Variants in RUNDC3B observed in about 807,000 individuals in gnomAD.
RUNDC3B encodes RUN domain-containing protein 3B.
In RUNDC3B, 33 loss-of-function variants were observed where a neutral mutation model predicts 58.4. The observed-to-expected ratio is 0.56, with a 90% CI of 0.43 to 0.75. The LOEUF is 0.75. Among genes scored for constraint, RUNDC3B ranks in the 30% least tolerant of loss-of-function variants. The pLI is 0.00. For missense variants in RUNDC3B, 501 were observed against 535.7 expected (o/e 0.94, Z 0.64); for synonymous variants, 193 against 195.2 (o/e 0.99, Z 0.10).
intron 6 of RUNDC3B, among the ~76,000 whole-genome samples, chr7:87,748,684 A>G (rs1398948573): frequency 6.6e-6 from 1 of 152,180 alleles, no homozygotes; most frequent in East Asian, 1.9e-4. Context: ...GGATACTTAG[A>G]TGTCAAGAGT....
At chr7:87,735,130 CCTTT>C (rs1285533479) in intron 4 of RUNDC3B, among the ~76,000 whole-genome samples, 9 of 152,132 alleles carry the variant, frequency 5.9e-5, no homozygotes, top group African/African-American at 2.2e-4. Flanking sequence ...CTCTGTTCAC[CCTTT>C]CTTAGCAAAT....
intron 6 of RUNDC3B, among the ~76,000 whole-genome samples, chr7:87,746,192 AT>A (rs1227776821): frequency 1.3e-5 from 2 of 152,064 alleles, no homozygotes; most frequent in African/African-American, 4.8e-5. Context: ...ATTTTCTTAA[AT>A]TTATTGAGGT....
chr7:87,713,816 C>G lies in RUNDC3B; in HGVS notation c.458+3161C>G, dbSNP rs575664846. ...CAATTTAAAATACCATATGATATTT[C>G]AAACAAAATTGAAAATGTAACAAGA... is the stretch of plus-strand genomic sequence containing the variant. On this transcript the variant is annotated intron_variant, in intron 4 of 10. Coordinates refer to ENST00000394654, the MANE Select transcript of RUNDC3B (RefSeq NM_001134405.2). Among the ~76,000 whole-genome samples, 5 of 151,970 alleles carry G rather than the reference C, an allele frequency of 3.3e-5. No homozygotes were observed. The East Asian group carries it at 7.7e-4, about 23-fold the overall frequency.
At chr7:87,773,098 C>T (rs560137200) in intron 7 of RUNDC3B, among the ~76,000 whole-genome samples, 24 of 151,646 alleles carry the variant, frequency 1.6e-4, no homozygotes, top group Middle Eastern at 3.4e-3. Context: ...CCGAGGCGGG[C>T]GGATCACGAG....
chr7:87,804,100 C>A (rs758867843), intron 8 of RUNDC3B, among the ~76,000 whole-genome samples: 1 of 152,022 alleles, frequency 6.6e-6, no homozygotes, highest in Non-Finnish European at 1.5e-5. Flanking sequence ...CAAAGCAATA[C>A]AAGTTGTATC....
At chr7:87,765,925 A>G (rs889025391) in intron 6 of RUNDC3B, among the ~76,000 whole-genome samples, 4 of 151,894 alleles carry the variant, frequency 2.6e-5, no homozygotes, top group African/African-American at 4.8e-5. Context: ...GTATTACCCT[A>G]TATCATTTCT....
At chr7:87,786,545 G>A (rs1469642982) in intron 8 of RUNDC3B, among the ~76,000 whole-genome samples, 1 of 151,522 alleles carries the variant, frequency 6.6e-6, no homozygotes, top group Non-Finnish European at 1.5e-5. Context: ...CCAAACAGTA[G>A]AGATTTCTGG....
chr7:87,766,998 G>A (rs1259583672), intron 6 of RUNDC3B, among the ~76,000 whole-genome samples: 1 of 151,814 alleles, frequency 6.6e-6, no homozygotes, highest in Non-Finnish European at 1.5e-5. Flanking sequence ...TTCAAGCTCT[G>A]AAATTCTTTC....
intron 4 of RUNDC3B, chr7:87,713,068 T>C (rs1406213421): frequency 6.6e-6 from 1 of 152,162 alleles, no homozygotes; most frequent in Non-Finnish European, 1.5e-5. Flanking sequence ...TAATTCTAAT[T>C]AAATTTGATT....
At position 87,812,445 on chromosome 7, in the gene RUNDC3B, C is replaced by T. The variant is rs557932471; in HGVS notation, c.1104-3696C>T. On this transcript the variant is annotated intron_variant, in intron 9 of 10. Transcript: ENST00000394654. ...CCAACATGGTGAAACCGCATCTCCA[C>T]TAAAACTACAAAAATTAGCCAGGCA... Among the ~76,000 whole-genome samples, 14 of 152,180 alleles carry T rather than the reference C, an allele frequency of 9.2e-5. 1 individual carries two copies. Among genetic ancestry groups the T allele is most frequent in the African/African-American group, 3.1e-4 (13 of 41,520 alleles).
intron 1 of RUNDC3B, among the ~76,000 whole-genome samples, chr7:87,648,102 G>T (rs1032294060): frequency 6.6e-6 from 1 of 150,700 alleles, no homozygotes; most frequent in African/African-American, 2.4e-5. Context: ...GGAGAATGGC[G>T]TGAACCGGGG....
At chr7:87,779,074 ATT>A (rs1407589427) in intron 8 of RUNDC3B, among the ~76,000 whole-genome samples, 1 of 152,090 alleles carries the variant, frequency 6.6e-6, no homozygotes, top group Admixed American at 6.6e-5. Context: ...ATGGTCCTTC[ATT>A]TCTTACTGCT....
chr7:87,714,811 C>T (rs973690599), intron 4 of RUNDC3B, among the ~76,000 whole-genome samples: 20 of 151,904 alleles, frequency 1.3e-4, no homozygotes, highest in Non-Finnish European at 2.5e-4. Flanking sequence ...CCACAAGGGT[C>T]GCATTCCATT....
At chr7:87,713,582 T>C (rs1272498991) in intron 4 of RUNDC3B, among the ~76,000 whole-genome samples, 1 of 147,996 alleles carries the variant, frequency 6.8e-6, no homozygotes, top group Non-Finnish European at 1.5e-5. Flanking sequence ...TGGGGTATAA[T>C]TGAAAAATAG....
chr7:87,706,951 A>G (rs1829650590), intron 3 of RUNDC3B, among the ~76,000 whole-genome samples: 1 of 152,198 alleles, frequency 6.6e-6, no homozygotes, highest in Admixed American at 6.5e-5. Flanking sequence ...GTTCAAGGGC[A>G]AGCAAGGTGA....
At chr7:87,746,358 G>C (rs1295841918) in intron 6 of RUNDC3B, among the ~76,000 whole-genome samples, 1 of 152,112 alleles carries the variant, frequency 6.6e-6, no homozygotes. Context: ...TTTCTTTGTT[G>C]ACTTTCTGTC....
At chr7:87,717,560 T>C (rs1453985837) in intron 4 of RUNDC3B, among the ~76,000 whole-genome samples, 1 of 151,994 alleles carries the variant, frequency 6.6e-6, no homozygotes, top group Non-Finnish European at 1.5e-5. Context: ...AATCCTACAA[T>C]CTCTCTGTTA....
intron 6 of RUNDC3B, among the ~76,000 whole-genome samples, chr7:87,751,405 A>C (rs1373829180): frequency 6.6e-6 from 1 of 152,118 alleles, no homozygotes; most frequent in Non-Finnish European, 1.5e-5. Context: ...AGTTTTTTCC[A>C]ATTCTGTGAA....
intron 6 of RUNDC3B, among the ~76,000 whole-genome samples, chr7:87,761,142 C>T (rs1833654560): frequency 6.6e-6 from 1 of 151,800 alleles, no homozygotes; most frequent in Non-Finnish European, 1.5e-5. Context: ...CAAATATAAA[C>T]AACCCGATTT....
Sources: allele counts gnomAD v4.1 joint callset (sites outside exome capture counted in the v4.1 genomes callset), GRCh38; gene constraint gnomAD v4.1.1; transcripts MANE v1.5; gene names NCBI Gene and HGNC (gene_info 2026-07-23, HGNC 2026-07-21).